The following VPS13D variants were observed in gnomAD, a reference collection of about 807,000 sequenced individuals.
VPS13D encodes vacuolar protein sorting 13 homolog D.
Under a neutral mutation model 461.9 loss-of-function variants are expected in VPS13D, and 187 were observed. The observed-to-expected ratio is 0.40, with a 90% CI of 0.36 to 0.46. VPS13D has a LOEUF of 0.46. Among genes scored for constraint, VPS13D ranks in the 20% least tolerant of loss-of-function variants. The pLI is 0.60. For synonymous variants in VPS13D, 1,951 were observed against 1,986.3 expected, an observed-to-expected ratio of 0.98 and a Z score of 0.47; for missense variants, 4,711 against 5,364.9, an observed-to-expected ratio of 0.88 and a Z score of 3.81.
At chr1:12,278,095 G>A (rs901987574) in intron 19 of VPS13D, 57 bp downstream of exon 19, 24 of 1,512,354 alleles carry the variant, frequency 1.6e-5, no homozygotes, top group Middle Eastern at 3.8e-4. Flanking sequence ...CCCAGCTCAC[G>A]GAGTCCTTTG....
At chr1:12,424,117 T>C (rs1278294947) in intron 65 of VPS13D, among the ~76,000 whole-genome samples, 3 of 152,200 alleles carry the variant, frequency 2.0e-5, no homozygotes, top group Non-Finnish European at 4.4e-5. Flanking sequence ...TTTTAGTGTA[T>C]TTAAGTTGGC....
rs4394667 is a variant in VPS13D at position 12,314,005 on chromosome 1, A to T, written c.6936-110A>T. On this transcript the variant is annotated intron_variant, in intron 29 of 69. Coordinates refer to ENST00000620676, the MANE Select transcript of VPS13D (RefSeq NM_015378.4). ...ACTCAGAATGAAAGTTATTCTCCTT[A>T]TGGGACTTAGATATATTTTTGATTT... 0.06 allele frequency: 51,713 copies of T among 863,492 alleles called. 2,827 individuals carry two copies. The highest frequency in any genetic ancestry group is 0.22 in the African/African-American group (13,372 of 59,432). The allele number at this position is 863,492 out of a possible 1,614,324, so 53.5% of individuals were successfully genotyped here.
At position 12,291,752 on chromosome 1, in the gene VPS13D, G is replaced by A. The variant is rs573883912; in HGVS notation, c.5852+628G>A. Among the ~76,000 whole-genome samples, 3 of 152,302 alleles carry A rather than the reference G, an allele frequency of 2.0e-5. No individual in the cohort carries two copies. In the South Asian group the frequency reaches 6.2e-4, roughly 32 times the overall value. On this transcript the variant is annotated intron_variant, in intron 23 of 69. Transcript: ENST00000620676. ...CTGAGACAAGTCATGCAGTCTTCGT[G>A]CATCAGTTTTTCTATATATTAAGGG... is the stretch of plus-strand genomic sequence containing the variant.
Position 12,276,430 on chromosome 1 carries a change from G to A in VPS13D, c.2842G>A (p.Val948Ile), listed in dbSNP as rs758168133. 1.6e-5 allele frequency: 26 copies of A among 1,614,212 alleles called. No individual in the cohort carries two copies. The highest frequency in any genetic ancestry group is 4.5e-5 in the East Asian group (2 of 44,882). ...GTTGTTGGAGCAGCATACCCGCGAG[G>A]TTCTGGTGGAGTCGCAGCTCCTCCT... is the stretch of plus-strand genomic sequence containing the variant. ...IVLLEQHTRE[V>I]LVESQLLLAE... Residue 948 changes from valine (V) to isoleucine (I), a missense_variant, in exon 19 of 70, where the codon GTT becomes ATT. By Grantham distance (29) the Val-to-Ile change is conservative. Transcript: ENST00000620676. The surrounding 1 kb of genome is among the most constrained non-coding windows in gnomAD (Gnocchi z 4.5).
intron 60 of VPS13D, among the ~76,000 whole-genome samples, chr1:12,390,807 A>T (rs542938446): frequency 6.6e-6 from 1 of 152,192 alleles, no homozygotes; most frequent in African/African-American, 2.4e-5. Context: ...TGCTGAGCCC[A>T]TGCATAACCT....
chr1:12,456,289 G>C (rs1645326112), intron 66 of VPS13D, among the ~76,000 whole-genome samples, 159 bp downstream of exon 66: 1 of 152,054 alleles, frequency 6.6e-6, no homozygotes, highest in Non-Finnish European at 1.5e-5. Context: ...GGATCATGAG[G>C]TCAGGAGTTT....
intron 24 of VPS13D, among the ~76,000 whole-genome samples, chr1:12,296,177 T>C (rs1445916748): frequency 6.6e-6 from 1 of 152,210 alleles, no homozygotes. Context: ...ATCTCTGAGA[T>C]ACCTGGCAGT....
At position 12,244,367 on chromosome 1, in the gene VPS13D, T is replaced by A; in HGVS notation, c.297T>A (p.Asp99Glu). ...CAGAGAAAATACAGGATTTCAATGA[T>A]GAAAAGGAGAAGCTGTTGGAAAGGG... Reference protein sequence around the residue: ...GAPEKIQDFNDEKEKLLERER... With the variant: ...GAPEKIQDFNEEKEKLLERER... Residue 99 changes from aspartate (D) to glutamate (E), a missense_variant, in exon 4 of 70, where the codon GAT becomes GAA. Transcript: ENST00000620676. The A allele has an allele frequency of 6.2e-7, 1 of 1,614,032 alleles. No individual in the cohort carries two copies. Among genetic ancestry groups the A allele is most frequent in the Non-Finnish European group, 8.5e-7 (1 of 1,180,026 alleles).
In VPS13D at chr1:12,260,802, A is replaced by G. The variant is rs781723691; in HGVS notation, c.1212+8A>G. 6.2e-7 allele frequency: 1 copy of G among 1,613,800 alleles called. No individual in the cohort carries two copies. Among genetic ancestry groups the G allele is most frequent in the African/African-American group, 1.3e-5 (1 of 75,024 alleles). On this transcript the variant is annotated splice_region_variant and intron_variant, in intron 11 of 69. Transcript: ENST00000620676. The stretch of plus-strand genomic sequence containing the variant: ...CAGGAAGAACTAGCAGAGGTAAGAA[A>G]TCCTCTACAAGAGGATTTGTTCAGA...
At chr1:12,331,606 G>A (rs1049662120) in intron 37 of VPS13D, among the ~76,000 whole-genome samples, 2 of 151,572 alleles carry the variant, frequency 1.3e-5, no homozygotes, top group African/African-American at 4.9e-5. Context: ...CAGCTACTCG[G>A]GAGGCTGAGG....
intron 7 of VPS13D, 167 bp from the exon 8 acceptor site, chr1:12,256,166 A>T: frequency 1.4e-6 from 1 of 698,414 alleles, no homozygotes; most frequent in African/African-American, 1.8e-5. Flanking sequence ...CTGTCCCTAT[A>T]TAAAAAGAAT....
At chr1:12,461,323 A>G (rs666234) in intron 67 of VPS13D, among the ~76,000 whole-genome samples, 15 of 152,190 alleles carry the variant, frequency 9.9e-5, no homozygotes, top group African/African-American at 1.4e-4. Flanking sequence ...ATTGTCCCCA[A>G]TTGAAGTGAA....
chr1:12,415,047 A>G (rs1644776835), intron 63 of VPS13D, 40 bp from the exon 64 acceptor site: 1 of 1,608,590 alleles, frequency 6.2e-7, no homozygotes, highest in South Asian at 1.1e-5. Context: ...GAAGGCCATC[A>G]TATGACTTAA....
chr1:12,351,023 T>C (rs1643779340), intron 46 of VPS13D, among the ~76,000 whole-genome samples: 1 of 152,140 alleles, frequency 6.6e-6, no homozygotes, highest in South Asian at 2.1e-4. Context: ...AGTATCTAAA[T>C]TAAAAGAACT....
intron 38 of VPS13D, among the ~76,000 whole-genome samples, chr1:12,334,688 G>A (rs1643407489): frequency 6.6e-6 from 1 of 152,164 alleles, no homozygotes; most frequent in Admixed American, 6.5e-5. Context: ...TTACTTGAGT[G>A]CAGGAGTTCA....
intron 5 of VPS13D, among the ~76,000 whole-genome samples, chr1:12,245,147 C>A (rs1446514580): frequency 6.6e-6 from 1 of 152,170 alleles, no homozygotes; most frequent in Admixed American, 6.5e-5. Flanking sequence ...AGGACTGGGG[C>A]TGTTGACCTT....
intron 60 of VPS13D, among the ~76,000 whole-genome samples, chr1:12,399,107 A>C (rs1339882415): frequency 6.6e-6 from 1 of 152,228 alleles, no homozygotes; most frequent in African/African-American, 2.4e-5. Context: ...GGAGCTTCGC[A>C]CATAGTATCA....
Position 12,290,787 on chromosome 1 carries a change from C to CT in VPS13D, c.5726-202dup, listed in dbSNP as rs200704779. Among the ~76,000 whole-genome samples the CT allele has an allele frequency of 3.4e-3, 504 of 150,000 alleles. 3 individuals carry two copies. The highest frequency in any genetic ancestry group is 5.2e-3 in the Non-Finnish European group (353 of 67,476). ...TCCCCTTTGGACTTCTGCATTGAGA[C>CT]TTTTTTTTTCCTTTTTTGCATTGAG... is the stretch of plus-strand genomic sequence containing the variant. On this transcript the variant is annotated intron_variant, in intron 22 of 69. Transcript: ENST00000620676.
At position 12,244,596 on chromosome 1, in the gene VPS13D, A is replaced by C. The variant is rs769810327; in HGVS notation, c.426A>C (p.Thr142=). The C allele has an allele frequency of 1.2e-6, 2 of 1,614,088 alleles. No individual in the cohort carries two copies. ...YWYSVTASVV[T]RIVENIELKI... is the part of the protein sequence containing the mutation. ...ATTCAGTTACCGCCTCCGTAGTTAC[A>C]AGGATTGTGGAGAATATTGAAGTAA... The change falls in exon 5 of 70, where the codon ACA becomes ACC. Residue 142 remains threonine (T), a synonymous_variant. Coordinates refer to ENST00000620676, the MANE Select transcript of VPS13D (RefSeq NM_015378.4).
Sources: gnomAD v4.1 joint callset for allele counts (sites outside exome capture counted in the v4.1 genomes callset) on GRCh38, gnomAD v4.1.1 for gene constraint, Gnocchi (gnomAD v3.1) non-coding constraint, MANE v1.5 for transcripts, NCBI Gene and HGNC (gene_info 2026-07-23, HGNC 2026-07-21) for gene names.